Variants in VPS13B observed in about 807,000 individuals in gnomAD.
The protein encoded by VPS13B is vacuolar protein sorting 13 homolog B.
A neutral mutation model predicts 426.4 loss-of-function variants in VPS13B; 285 were observed. That is an observed-to-expected ratio of 0.67 (90% CI 0.61 to 0.74). VPS13B has a LOEUF of 0.74. Ranked by LOEUF, VPS13B falls within the 30% of genes least tolerant of loss-of-function variation. VPS13B has a pLI of 0.00. For missense variants in VPS13B, 4,537 were observed against 4,782.6 expected (o/e 0.95, Z 1.51); for synonymous variants, 1,676 against 1,676.4 (o/e 1.00, Z 0.01).
intron 30 of VPS13B, among the ~76,000 whole-genome samples, chr8:99,542,852 A>G (rs1175643916): frequency 1.3e-5 from 2 of 152,222 alleles, no homozygotes; most frequent in Non-Finnish European, 1.5e-5. Context: ...TGAGGATTAC[A>G]TAAATTAATG....
At chr8:99,134,381 C>T (rs1809961033) in intron 8 of VPS13B, among the ~76,000 whole-genome samples, 1 of 152,064 alleles carries the variant, frequency 6.6e-6, no homozygotes, top group South Asian at 2.1e-4. Context: ...ACAGCTTTCA[C>T]TTTTTAAAAC....
At chr8:99,440,746 A>G (rs1182431458) in intron 22 of VPS13B, among the ~76,000 whole-genome samples, 2 of 151,934 alleles carry the variant, frequency 1.3e-5, no homozygotes, top group Non-Finnish European at 2.9e-5. Flanking sequence ...GATTTTGGAA[A>G]TTTTGGCATG....
At position 99,185,042 on chromosome 8, in the gene VPS13B, G is replaced by A. The variant is rs142235336; in HGVS notation, c.2334-7834G>A. Among the ~76,000 whole-genome samples the A allele has an allele frequency of 4.5e-4, 69 of 152,272 alleles. 1 individual carries two copies. The highest frequency in any genetic ancestry group is 7.6e-4 in the Non-Finnish European group (52 of 67,996). On this transcript the variant is annotated intron_variant, in intron 16 of 61. Coordinates refer to ENST00000357162, the MANE Select transcript of VPS13B (RefSeq NM_152564.5). ...TAATGGATGTTGAAAAAGATACTCC[G>A]ATACACTGCTGACGAATGTGAAAAT...
chr8:99,048,712 G>A (rs1843361422), intron 3 of VPS13B, among the ~76,000 whole-genome samples: 1 of 151,996 alleles, frequency 6.6e-6, no homozygotes, highest in South Asian at 2.1e-4. Flanking sequence ...CCACTCAGGG[G>A]GCTGAGGCAG....
chr8:99,493,780 T>TAAAAAAAAAAAAAAAAAAAAAAAAAAAAA (rs376555643), intron 25 of VPS13B, among the ~76,000 whole-genome samples: 3 of 61,166 alleles, frequency 4.9e-5, no homozygotes, highest in Non-Finnish European at 9.7e-5. Context: ...AGACTCTATC[T>TAAAAAAAAAAAAAAAAAAAAAAAAAAAAA]AAAAAAAAAA....
intron 31 of VPS13B, among the ~76,000 whole-genome samples, chr8:99,557,797 T>C (rs1217978552): frequency 1.3e-5 from 2 of 152,188 alleles, no homozygotes; most frequent in Non-Finnish European, 2.9e-5. Context: ...CCCAGGCTAC[T>C]TGTGGTTCTC....
intron 39 of VPS13B, among the ~76,000 whole-genome samples, chr8:99,737,112 T>TC: frequency 9.8e-6 from 1 of 101,886 alleles, no homozygotes; most frequent in Middle Eastern, 4.1e-3. Flanking sequence ...CCTTCTTTTT[T>TC]TTTTTTTTTT....
chr8:99,322,696 A>T (rs1372436013), intron 19 of VPS13B, among the ~76,000 whole-genome samples: 1 of 152,172 alleles, frequency 6.6e-6, no homozygotes, highest in Non-Finnish European at 1.5e-5. Flanking sequence ...AGACTTAGCT[A>T]TTGCAAGAAC....
At chr8:99,534,118 T>G (rs1388264340) in intron 30 of VPS13B, among the ~76,000 whole-genome samples, 3 of 152,168 alleles carry the variant, frequency 2.0e-5, no homozygotes, top group South Asian at 2.1e-4. Context: ...TTAACTTCCC[T>G]AAAAGCTTTG....
At chr8:99,186,287 G>A (rs1490029113) in intron 16 of VPS13B, among the ~76,000 whole-genome samples, 1 of 152,032 alleles carries the variant, frequency 6.6e-6, no homozygotes, top group Non-Finnish European at 1.5e-5. Context: ...TTTGTTTTAA[G>A]TAAAGTTTAA....
chr8:99,442,824 C>T (rs1817740995), intron 23 of VPS13B, among the ~76,000 whole-genome samples, 189 bp downstream of exon 23: 2 of 151,808 alleles, frequency 1.3e-5, no homozygotes, highest in Admixed American at 1.3e-4. Context: ...GTCATATATT[C>T]ACATATGTTA....
chr8:99,574,650 C>G (rs1415347368), intron 31 of VPS13B, among the ~76,000 whole-genome samples: 2 of 152,064 alleles, frequency 1.3e-5, no homozygotes, highest in Non-Finnish European at 2.9e-5. Flanking sequence ...TGCTAAATAA[C>G]TGATGAAAGC....
rs1048753921 is a variant in VPS13B at position 99,191,462 on chromosome 8, C to A, written c.2334-1414C>A. Among the ~76,000 whole-genome samples the A allele has an allele frequency of 1.1e-4, 16 of 143,700 alleles. No homozygotes were observed. In the Admixed American group the frequency reaches 1.2e-3, roughly 10 times the overall value. The allele number at this position is 143,700 out of a possible 152,430, so 94.3% of individuals were successfully genotyped here. A position where few individuals can be genotyped will look rare whatever the true frequency, so the allele number is the denominator to read the frequency against. On this transcript the variant is annotated intron_variant, in intron 16 of 61. Coordinates refer to ENST00000357162, the MANE Select transcript of VPS13B (RefSeq NM_152564.5). The stretch of plus-strand genomic sequence containing the variant: ...GCAGTAGCGCGATCTCGGCTCACTG[C>A]AATTTCTGCCTCCTGAGTTTAAGCA...
At chr8:99,420,974 A>G (rs1816337088) in intron 21 of VPS13B, among the ~76,000 whole-genome samples, 1 of 152,176 alleles carries the variant, frequency 6.6e-6, no homozygotes, top group South Asian at 2.1e-4. Flanking sequence ...CCTTATATTT[A>G]TAGTATTTTC....
intron 25 of VPS13B, among the ~76,000 whole-genome samples, chr8:99,486,302 T>C (rs1179800903): frequency 6.6e-6 from 1 of 152,132 alleles, no homozygotes; most frequent in Non-Finnish European, 1.5e-5. Context: ...CTCGGCTCAG[T>C]GCAACCTCTG....
chr8:99,642,602 T>G (rs931402990), intron 34 of VPS13B, 104 bp downstream of exon 34: 10 of 1,019,650 alleles, frequency 9.8e-6, no homozygotes, highest in South Asian at 4.3e-5. Context: ...CAGACAAAAG[T>G]CTTTTCTCTA....
In VPS13B at chr8:99,259,166, G is replaced by A. The variant is rs570199104; in HGVS notation, c.2516-15032G>A. On this transcript the variant is annotated intron_variant, in intron 17 of 61. Transcript: ENST00000357162. ...TGTTTTACAGATGAGAAAACTTAGC[G>A]TAGTTTAATAAATTTCAGGGCTCAT... is the stretch of plus-strand genomic sequence containing the variant. Among the ~76,000 whole-genome samples the A allele has an allele frequency of 1.8e-4, 27 of 152,082 alleles. 1 individual carries two copies. The South Asian group carries it at 2.1e-3, about 12-fold the overall frequency.
At chr8:99,782,557 T>C (rs752695181) in intron 42 of VPS13B, among the ~76,000 whole-genome samples, 3 of 151,514 alleles carry the variant, frequency 2.0e-5, no homozygotes, top group Admixed American at 6.6e-5. Flanking sequence ...TAGAAACAAG[T>C]TGGTCAAGCA....
At chr8:99,499,320 G>T (rs1219150607) in intron 25 of VPS13B, among the ~76,000 whole-genome samples, 2 of 152,064 alleles carry the variant, frequency 1.3e-5, no homozygotes, top group Non-Finnish European at 1.5e-5. Flanking sequence ...GTACAGCAAA[G>T]CTTTTACTGA....
Sources: allele counts gnomAD v4.1 joint callset (sites outside exome capture counted in the v4.1 genomes callset), GRCh38; gene constraint gnomAD v4.1.1; transcripts MANE v1.5; gene names NCBI Gene and HGNC (gene_info 2026-07-23, HGNC 2026-07-21).